The following PHF21A variants were observed in gnomAD, a reference collection of about 807,000 sequenced individuals.
PHF21A encodes BHC80a.
In PHF21A, 11 loss-of-function variants were observed where a neutral mutation model predicts 82.5. The ratio of observed to expected loss-of-function variants is 0.13; its 90% CI spans 0.08 to 0.22. PHF21A has a LOEUF of 0.22. Ranked by LOEUF, PHF21A falls within the 10% of genes least tolerant of loss-of-function variation. The pLI, the probability that PHF21A is intolerant of heterozygous loss-of-function variation, is 1.00. For synonymous variants in PHF21A, 297 were observed against 302.8 expected, an observed-to-expected ratio of 0.98 and a Z score of 0.20; for missense variants, 579 against 837.8, an observed-to-expected ratio of 0.69 and a Z score of 3.81.
intron 3 of PHF21A, among the ~76,000 whole-genome samples, chr11:46,088,035 G>A (rs977137773): frequency 6.6e-6 from 1 of 152,276 alleles, no homozygotes; most frequent in South Asian, 2.1e-4. Context: ...GGGATTACAG[G>A]TGTGAGCCAC....
At chr11:46,115,077 T>C (rs971494683) in intron 1 of PHF21A, among the ~76,000 whole-genome samples, 3 of 152,230 alleles carry the variant, frequency 2.0e-5, no homozygotes, top group African/African-American at 7.2e-5. Context: ...AAAAGAATAG[T>C]TGCCTTCAAC....
chr11:45,961,144 C>A (rs2093048552), intron 10 of PHF21A, among the ~76,000 whole-genome samples: 1 of 152,178 alleles, frequency 6.6e-6, no homozygotes, highest in African/African-American at 2.4e-5. Flanking sequence ...TTACTCCTAG[C>A]CTGTTTCACT....
chr11:45,950,421 G>A (rs1250015250), intron 11 of PHF21A, among the ~76,000 whole-genome samples, 164 bp from the exon 12 acceptor site: 3 of 152,132 alleles, frequency 2.0e-5, no homozygotes, highest in South Asian at 2.1e-4. Context: ...TCTACAGCAG[G>A]GGTGTCCAAG....
chr11:46,114,113 C>T (rs2097258701), intron 1 of PHF21A, among the ~76,000 whole-genome samples: 1 of 151,468 alleles, frequency 6.6e-6, no homozygotes, highest in South Asian at 2.1e-4. Flanking sequence ...ACGCACACAT[C>T]CCCACACACA....
intron 6 of PHF21A, among the ~76,000 whole-genome samples, chr11:45,989,378 G>A (rs1434723341): frequency 1.3e-5 from 2 of 151,528 alleles, no homozygotes; most frequent in African/African-American, 4.9e-5. Context: ...GGGTGGGCCA[G>A]ACGCGGTGGC....
At position 45,933,903 on chromosome 11, in the gene PHF21A, TAG is replaced by T. The variant is rs1413987348; in HGVS notation, c.*63_*64del. The T allele has an allele frequency of 2.1e-6, 3 of 1,426,638 alleles. No individual in the cohort carries two copies. The highest frequency in any genetic ancestry group is 5.0e-5 in the Admixed American group (2 of 40,048). The allele number at this position is 1,426,638 out of a possible 1,614,324, so 88.4% of individuals were successfully genotyped here. A position where few individuals can be genotyped will look rare whatever the true frequency, so the allele number is the denominator to read the frequency against. On this transcript the variant is annotated 3_prime_UTR_variant, in exon 19 of 19. Transcript: ENST00000676320. ...TTCCAGAAATCCGGCTTTGCTTTTC[TAG>T]AGTCTTCAGTGTTCTGTTCTCCTTG...
At chr11:45,944,501 T>A (rs1456246871) in intron 15 of PHF21A, among the ~76,000 whole-genome samples, 3 of 152,234 alleles carry the variant, frequency 2.0e-5, no homozygotes, top group African/African-American at 4.8e-5. Flanking sequence ...CCCATTTTAC[T>A]GAGAACGAAA....
chr11:46,009,360 T>C (rs2095365736), intron 6 of PHF21A, among the ~76,000 whole-genome samples: 1 of 152,198 alleles, frequency 6.6e-6, no homozygotes, highest in African/African-American at 2.4e-5. Flanking sequence ...TTTAACCATC[T>C]ACCTTTGAGG....
intron 6 of PHF21A, among the ~76,000 whole-genome samples, chr11:46,011,115 G>A (rs1053704738): frequency 2.6e-5 from 4 of 152,092 alleles, no homozygotes; most frequent in Admixed American, 6.5e-5. Context: ...CCACTAGATC[G>A]TGAACTCCTT....
At chr11:45,971,395 G>T in intron 7 of PHF21A, 28 bp from the exon 8 acceptor site, 1 of 1,595,196 alleles carries the variant, frequency 6.3e-7, no homozygotes, top group South Asian at 1.1e-5. Context: ...CAGATATTAG[G>T]ACACTAAATC....
rs142264427 is a variant in PHF21A at position 45,992,942 on chromosome 11, G to T, written c.154-12976C>A. ...CTGAACCGCAGCTACCTCAAGTGGT[G>T]GAGAAAGCAGTTGTTTAAAGAGCTG... is the stretch of plus-strand genomic sequence containing the variant. On this transcript the variant is annotated intron_variant, in intron 6 of 18. Coordinates refer to ENST00000676320, the MANE Select transcript of PHF21A (RefSeq NM_001352027.3). Among the ~76,000 whole-genome samples the T allele has an allele frequency of 4.5e-4, 68 of 152,280 alleles. 1 individual carries two copies. The East Asian group carries it at 6.2e-3, about 14-fold the overall frequency.
intron 6 of PHF21A, among the ~76,000 whole-genome samples, chr11:46,054,659 T>C (rs1592574190): frequency 6.6e-6 from 1 of 152,248 alleles, no homozygotes; most frequent in Admixed American, 6.5e-5. Flanking sequence ...TTGAGAAAAA[T>C]CATTACTATT....
At chr11:46,068,448 T>C (rs2096619742) in intron 6 of PHF21A, among the ~76,000 whole-genome samples, 1 of 152,164 alleles carries the variant, frequency 6.6e-6, no homozygotes, top group Non-Finnish European at 1.5e-5. Flanking sequence ...TTATATTGGC[T>C]CCTAAAAAGC....
chr11:46,066,821 T>G (rs2096599786), intron 6 of PHF21A, among the ~76,000 whole-genome samples: 1 of 152,244 alleles, frequency 6.6e-6, no homozygotes, highest in African/African-American at 2.4e-5. Context: ...AATGGTTCTG[T>G]GTAAACAATT....
At chr11:46,100,000 A>C (rs1364080870) in intron 1 of PHF21A, among the ~76,000 whole-genome samples, 2 of 152,200 alleles carry the variant, frequency 1.3e-5, no homozygotes, top group African/African-American at 4.8e-5. Flanking sequence ...ATGAACATTT[A>C]TCTTTTTATC....
chr11:45,980,272 T>C (rs1287130703), intron 6 of PHF21A, among the ~76,000 whole-genome samples: 1 of 152,210 alleles, frequency 6.6e-6, no homozygotes, highest in East Asian at 1.9e-4. Flanking sequence ...GAGAGCAGTA[T>C]ACAACGTAGC....
At chr11:46,077,256 T>A (rs1483420950) in intron 5 of PHF21A, among the ~76,000 whole-genome samples, 1 of 152,190 alleles carries the variant, frequency 6.6e-6, no homozygotes, top group Non-Finnish European at 1.5e-5. Flanking sequence ...CCACTTGCCC[T>A]CTCCCTTATT....
chr11:46,032,440 T>C (rs1300327724), intron 6 of PHF21A, among the ~76,000 whole-genome samples: 3 of 151,920 alleles, frequency 2.0e-5, no homozygotes, highest in African/African-American at 7.3e-5. Context: ...TATCATCTAC[T>C]TCCTTTTCTT....
In PHF21A at chr11:45,953,616, A is replaced by G. The variant is rs1218802835; in HGVS notation, c.1006T>C (p.Ser336Pro). The G allele has an allele frequency of 3.1e-6, 5 of 1,609,114 alleles. No homozygotes were observed. The highest frequency in any genetic ancestry group is 4.3e-6 in the Non-Finnish European group (5 of 1,175,778). The change falls in exon 11 of 19, where the codon TCT becomes CCT. Residue 336 changes from serine to proline, a missense_variant. Around this residue, in one of 3 missense-constraint regions of PHF21A, gnomAD observed 410 missense variants for 642.1 expected, o/e 0.64. Transcript: ENST00000676320. ...TGTTTCTCATCTGTTTCTGTGTGAG[A>G]TTTAACTGTCTAGGAGAGAAAAATT... ...KPSLEKQTVK[S>P]HTETDEKQTE... is the part of the protein sequence containing the mutation.
Sources: allele counts gnomAD v4.1 joint callset (sites outside exome capture counted in the v4.1 genomes callset), GRCh38; gene constraint gnomAD v4.1.1; regional missense constraint gnomAD v4.1.1; transcripts MANE v1.5; gene names NCBI Gene and HGNC (gene_info 2026-07-23, HGNC 2026-07-21).